Variants in HGD observed in about 807,000 individuals in gnomAD.
HGD encodes the protein homogentisate 1,2-dioxygenase, also known as homogentisate oxidase.
Under a neutral mutation model 60.8 loss-of-function variants are expected in HGD, and 61 were observed. The ratio of observed to expected loss-of-function variants is 1.00; its 90% CI spans 0.82 to 1.24. HGD has a LOEUF of 1.24. Among genes scored for constraint, HGD ranks in the 50% most tolerant of loss-of-function variants. HGD has a pLI of 0.00. For missense variants in HGD, 542 were observed against 547.1 expected (o/e 0.99, Z 0.09); for synonymous variants, 212 against 187.7 (o/e 1.13, Z -1.06).
At position 120,676,345 on chromosome 3, in the gene HGD, A is replaced by G. The variant is rs568138767; in HGVS notation, c.16-482T>C. On this transcript the variant is annotated intron_variant, in intron 1 of 13. Coordinates refer to ENST00000283871, the MANE Select transcript of HGD (RefSeq NM_000187.4). ...GAATGCATGAAAATAAAGTTTAAAG[A>G]TATGGGTGGCCTTCAGGAGACACGC... is the stretch of plus-strand genomic sequence containing the variant. Among the ~76,000 whole-genome samples the G allele has an allele frequency of 4.6e-5, 7 of 152,312 alleles. No homozygotes were observed. In the South Asian group the frequency reaches 6.2e-4, roughly 14 times the overall value.
rs120074170 is a variant in HGD, at chr3:120,638,562, A to G, written c.899T>C (p.Val300Ala). ...AGGGCGGACAGACTTAGCAGTCAAT[A>G]CTGTGAAAATGGATGGGTCCTGTGA... ...FDHADPSIFTVLTAKSVRPGV... is the reference protein window; with the variant it reads ...FDHADPSIFTALTAKSVRPGV... Residue 300 changes from valine to alanine, a missense_variant, in exon 12 of 14, where the codon GTA (valine) becomes GCA (alanine). Transcript: ENST00000283871. 6.2e-7 allele frequency: 1 copy of G among 1,613,876 alleles called. No homozygotes were observed. Among genetic ancestry groups the G allele is most frequent in the Non-Finnish European group, 8.5e-7 (1 of 1,179,938 alleles).
chr3:120,668,719 C>T (rs1707957129), intron 4 of HGD, among the ~76,000 whole-genome samples: 1 of 152,178 alleles, frequency 6.6e-6, no homozygotes, highest in African/African-American at 2.4e-5. Context: ...CACCTATTCT[C>T]TCATAATCTT....
chr3:120,633,601 T>C (rs1940661196), intron 12 of HGD: 1 of 1,401,346 alleles, frequency 7.1e-7, no homozygotes, highest in Non-Finnish European at 9.4e-7. Context: ...CTAAAGAAAA[T>C]CAGGGCCCAG....
chr3:120,673,395 G>T (rs1196605283), intron 3 of HGD, among the ~76,000 whole-genome samples: 4 of 152,134 alleles, frequency 2.6e-5, no homozygotes, highest in African/African-American at 9.7e-5. Flanking sequence ...GAGACCAGGT[G>T]GCCTGTTAGG....
chr3:120,678,901 T>C (rs1334776045), intron 1 of HGD, among the ~76,000 whole-genome samples: 3 of 152,214 alleles, frequency 2.0e-5, no homozygotes, highest in African/African-American at 2.4e-5. Flanking sequence ...TTTTATCAGC[T>C]GCGAAAATCC....
chr3:120,675,992 T>A (rs1708123351), intron 1 of HGD, 129 bp from the exon 2 acceptor site: 11 of 749,732 alleles, frequency 1.5e-5, no homozygotes, highest in Non-Finnish European at 2.2e-5. Context: ...ACATATAATA[T>A]CTTTACTGTG....
chr3:120,648,963 T>A (rs1030241229), intron 6 of HGD, among the ~76,000 whole-genome samples: 4 of 152,164 alleles, frequency 2.6e-5, no homozygotes, highest in African/African-American at 9.6e-5. Context: ...AGCAGGGACC[T>A]ATTGAAAGCG....
intron 4 of HGD, among the ~76,000 whole-genome samples, chr3:120,667,326 C>CAA (rs71133514): frequency 0.052 from 3,094 of 59,668 alleles, 297 homozygotes; most frequent in African/African-American, 0.18. Flanking sequence ...ACTCTTGTCT[C>CAA]AAAAAAAAAA....
intron 1 of HGD, chr3:120,678,106 C>T (rs1708166758): frequency 6.6e-6 from 1 of 152,126 alleles, no homozygotes; most frequent in Non-Finnish European, 1.5e-5. Flanking sequence ...AATTTGTCAA[C>T]ACAAAAAATA....
chr3:120,672,340 G>T (rs1708041474), intron 3 of HGD, among the ~76,000 whole-genome samples: 1 of 152,140 alleles, frequency 6.6e-6, no homozygotes, highest in Non-Finnish European at 1.5e-5. Flanking sequence ...AGGACACCAG[G>T]ATAAGACCTT....
Position 120,640,397 on chromosome 3 carries a change from G to A in HGD, c.879+1192C>T, listed in dbSNP as rs370211088. Among the ~76,000 whole-genome samples, 3 of 152,190 alleles carry A rather than the reference G, an allele frequency of 2.0e-5. No homozygotes were observed. The East Asian group carries it at 5.8e-4, about 29-fold the overall frequency. Reference sequence around the variant, plus strand: ...TTGACAGAAGGGAGAGGGGCAAGAGGTGATACTGGAAAATGAGTCCAGGGA... The same window carrying A: ...TTGACAGAAGGGAGAGGGGCAAGAGATGATACTGGAAAATGAGTCCAGGGA... On this transcript the variant is annotated intron_variant, in intron 11 of 13. Transcript: ENST00000283871.
intron 1 of HGD, among the ~76,000 whole-genome samples, chr3:120,676,102 C>T (rs1708125428): frequency 6.6e-6 from 1 of 152,096 alleles, no homozygotes; most frequent in South Asian, 2.1e-4. Context: ...TAGACTTCTC[C>T]ACCCTTAGCT....
At chr3:120,638,709 CT>C (rs1940865469) in intron 11 of HGD, 128 bp from the exon 12 acceptor site, 1 of 1,109,680 alleles carries the variant, frequency 9.0e-7, no homozygotes, top group South Asian at 1.4e-5. Flanking sequence ...TTTTATTCAA[CT>C]TTTAATTTAG....
chr3:120,634,094 G>T (rs1031314737), intron 12 of HGD, among the ~76,000 whole-genome samples: 12 of 152,082 alleles, frequency 7.9e-5, no homozygotes, highest in African/African-American at 2.7e-4. Flanking sequence ...CAATGTAGAA[G>T]AAATTTCTAT....
chr3:120,665,601 G>C (rs190867897), intron 4 of HGD, among the ~76,000 whole-genome samples: 13 of 152,300 alleles, frequency 8.5e-5, no homozygotes, highest in Admixed American at 5.2e-4. Flanking sequence ...CTCAAAAAGA[G>C]GTTGCATTAA....
At chr3:120,631,794 G>C (rs193092752) in intron 13 of HGD, among the ~76,000 whole-genome samples, 2 of 152,288 alleles carry the variant, frequency 1.3e-5, no homozygotes, top group South Asian at 2.1e-4. Context: ...TCCGCCATCA[G>C]GTATTCTGGC....
intron 4 of HGD, 50 bp from the exon 5 acceptor site, chr3:120,652,701 T>C: frequency 8.0e-7 from 1 of 1,253,622 alleles, no homozygotes; most frequent in African/African-American, 1.5e-5. Flanking sequence ...GGGTAAACCA[T>C]AGACCTTCTA....
chr3:120,629,994 A>C (rs1349426867), intron 13 of HGD, among the ~76,000 whole-genome samples: 5 of 152,210 alleles, frequency 3.3e-5, no homozygotes, highest in African/African-American at 1.2e-4. Context: ...TCAAGCTGAA[A>C]GCCAAATCAG....
At chr3:120,661,263 A>T (rs1707761228) in intron 4 of HGD, among the ~76,000 whole-genome samples, 1 of 152,094 alleles carries the variant, frequency 6.6e-6, no homozygotes, top group African/African-American at 2.4e-5. Flanking sequence ...TGGTCTTCCA[A>T]ATTGACCTTT....
Sources: gnomAD v4.1 joint callset for allele counts (sites outside exome capture counted in the v4.1 genomes callset) on GRCh38, gnomAD v4.1.1 for gene constraint, MANE v1.5 for transcripts, NCBI Gene and HGNC (gene_info 2026-07-23, HGNC 2026-07-21) for gene names.